Variants in TRIQK observed in about 807,000 individuals in gnomAD.
TRIQK encodes triple QxxK/R motif containing, also known as triple QxxK/R motif-containing protein.
TRIQK carries 10 observed loss-of-function variants against 10.8 expected under a neutral mutation model. The ratio of observed to expected loss-of-function variants is 0.92; its 90% CI spans 0.57 to 1.57. The LOEUF (loss-of-function observed/expected upper bound fraction) is 1.57, where lower values mean the gene tolerates loss of function less well. Ranked by LOEUF, TRIQK falls within the 40% of genes most tolerant of loss-of-function variation. TRIQK has a pLI of 0.00. For missense variants in TRIQK, 107 were observed against 97.7 expected (o/e 1.09, Z -0.40); for synonymous variants, 33 against 33.7 (o/e 0.98, Z 0.07).
upstream of TRIQK, among the ~76,000 whole-genome samples, chr8:92,970,498 C>G (rs1285714164): frequency 1.3e-5 from 2 of 152,164 alleles, no homozygotes; most frequent in African/African-American, 4.8e-5. Flanking sequence ...GCCATTCTGA[C>G]TGGTGTGAAA....
chr8:93,016,102 TAGCAA>T (rs1240127898), intron 1 of TRIQK, among the ~76,000 whole-genome samples: 1 of 152,180 alleles, frequency 6.6e-6, no homozygotes, highest in Non-Finnish European at 1.5e-5. Flanking sequence ...GAATGCTTCT[TAGCAA>T]AGATTTACTT....
intron 2 of TRIQK, among the ~76,000 whole-genome samples, chr8:92,932,187 C>T (rs1810761836): frequency 6.6e-6 from 1 of 151,996 alleles, no homozygotes; most frequent in South Asian, 2.1e-4. Context: ...TTTGTGTTCC[C>T]GTGTTCCCCA....
chr8:92,895,283 A>AT (rs1193311967), intron 3 of TRIQK, among the ~76,000 whole-genome samples: 1 of 152,148 alleles, frequency 6.6e-6, no homozygotes, highest in Non-Finnish European at 1.5e-5. Context: ...TTCTTTACAC[A>AT]TTTTCTAATC....
chr8:92,990,447 G>A (rs993847538), intron 1 of TRIQK, among the ~76,000 whole-genome samples: 13 of 152,046 alleles, frequency 8.6e-5, no homozygotes, highest in African/African-American at 3.1e-4. Flanking sequence ...AGAAGATCAC[G>A]TAGTTGTCGC....
chr8:92,916,994 G>C lies in TRIQK; in HGVS notation c.-5C>G. 6.7e-7 allele frequency: 1 copy of C among 1,499,438 alleles called. No homozygotes were observed. Among genetic ancestry groups the C allele is most frequent in the South Asian group, 1.3e-5 (1 of 76,210 alleles). 92.9% of individuals were successfully genotyped at this position (1,499,438 alleles called of 1,614,324 possible). A position where few individuals can be genotyped will look rare whatever the true frequency, so the allele number is the denominator to read the frequency against. On this transcript the variant is annotated 5_prime_UTR_variant, in exon 3 of 5. In the 5' UTR this introduces an upstream ATG that the reference lacks. Transcript: ENST00000521988. ...AGCAGCATCTTTTCTACCCATCTTT[G>C]ATCTCCAAAATGCCTGCTGAAAAGA...
chr8:92,907,616 C>T (rs932319248), intron 3 of TRIQK, among the ~76,000 whole-genome samples: 20 of 152,084 alleles, frequency 1.3e-4, no homozygotes, highest in African/African-American at 4.6e-4. Context: ...GATGGTAGCA[C>T]ACAAATTCAT....
intron 2 of TRIQK, among the ~76,000 whole-genome samples, chr8:92,945,468 G>A (rs1381905664): frequency 6.6e-6 from 1 of 152,214 alleles, no homozygotes; most frequent in Non-Finnish European, 1.5e-5. Context: ...ACCATAAGGT[G>A]AGCTTTGACC....
intron 2 of TRIQK, among the ~76,000 whole-genome samples, chr8:92,932,535 G>C (rs1295238652): frequency 6.6e-6 from 1 of 152,052 alleles, no homozygotes; most frequent in Non-Finnish European, 1.5e-5. Flanking sequence ...TAATTAATAA[G>C]TATTTGGTGT....
At chr8:92,976,482 A>G (rs1176232303) in intron 1 of TRIQK, among the ~76,000 whole-genome samples, 5 of 151,926 alleles carry the variant, frequency 3.3e-5, no homozygotes, top group African/African-American at 9.7e-5. Flanking sequence ...CAGTGTTAAC[A>G]TGGTTTTATT....
intron 1 of TRIQK, among the ~76,000 whole-genome samples, chr8:93,000,166 C>A (rs57358292): frequency 0.27 from 40,580 of 152,056 alleles, 6,289 homozygotes; most frequent in African/African-American, 0.43. Flanking sequence ...TATATTCAAA[C>A]ATATTTTCAA....
At chr8:92,892,694 T>C (rs987433118) in intron 3 of TRIQK, among the ~76,000 whole-genome samples, 1 of 152,004 alleles carries the variant, frequency 6.6e-6, no homozygotes, top group Non-Finnish European at 1.5e-5. Context: ...TACATTTAGA[T>C]ATTAGTTTCA....
chr8:92,969,324 T>A (rs181546009), upstream of TRIQK, among the ~76,000 whole-genome samples: 255 of 152,274 alleles, frequency 1.7e-3, no homozygotes, highest in African/African-American at 5.7e-3. Flanking sequence ...TTCCAAGTAT[T>A]TGAGAGTTGT....
At chr8:92,891,005 T>A (rs1253463098) in intron 4 of TRIQK, among the ~76,000 whole-genome samples, 1 of 151,766 alleles carries the variant, frequency 6.6e-6, no homozygotes. Flanking sequence ...TTTTTTTCAA[T>A]AAAAACTGAC....
chr8:92,924,401 G>GT (rs1248869677), intron 2 of TRIQK, among the ~76,000 whole-genome samples: 1 of 151,962 alleles, frequency 6.6e-6, no homozygotes, highest in African/African-American at 2.4e-5. Context: ...TCATGTTCCA[G>GT]TGCACTAGGA....
chr8:92,968,826 T>C (rs1234427033), upstream of TRIQK, among the ~76,000 whole-genome samples: 1 of 152,204 alleles, frequency 6.6e-6, no homozygotes, highest in African/African-American at 2.4e-5. Context: ...TTTGTCAATT[T>C]TGGCTTTTGT....
intron 1 of TRIQK, among the ~76,000 whole-genome samples, chr8:92,962,456 T>C (rs531747802): frequency 3.3e-4 from 50 of 152,350 alleles, no homozygotes; most frequent in African/African-American, 1.1e-3. Flanking sequence ...AAATTCTTTA[T>C]TGAGCTGATA....
rs1408549651 is a variant in TRIQK, at chr8:92,885,193, CT to C, written c.*1428del. 1.1e-5 allele frequency: 4 copies of C among 351,584 alleles called. No individual in the cohort carries two copies. The allele number at this position is 351,584 out of a possible 1,614,324, so 21.8% of individuals were successfully genotyped here. A position where few individuals can be genotyped will look rare whatever the true frequency, so the allele number is the denominator to read the frequency against. Reference sequence around the variant, plus strand: ...CACACCAATGAAATAAATTATGCTACTTGAAAAAAATTCTACAGAACATAAT... The same window carrying C: ...CACACCAATGAAATAAATTATGCTACTGAAAAAAATTCTACAGAACATAAT... On this transcript the variant is annotated 3_prime_UTR_variant, in exon 5 of 5. Transcript: ENST00000521988.
intron 1 of TRIQK, among the ~76,000 whole-genome samples, chr8:92,985,337 G>A (rs1813021490): frequency 6.6e-6 from 1 of 152,166 alleles, no homozygotes; most frequent in South Asian, 2.1e-4. Context: ...TTAGTCAGTG[G>A]CTATGGAAAC....
At chr8:92,932,696 G>A (rs547735365) in intron 2 of TRIQK, among the ~76,000 whole-genome samples, 163 of 151,894 alleles carry the variant, frequency 1.1e-3, no homozygotes, top group African/African-American at 3.2e-3. Flanking sequence ...ATATTTATTC[G>A]TTAGTATCCT....
Sources: gnomAD v4.1 joint callset for allele counts (sites outside exome capture counted in the v4.1 genomes callset) on GRCh38, gnomAD v4.1.1 for gene constraint, MANE v1.5 for transcripts, NCBI Gene and HGNC (gene_info 2026-07-23, HGNC 2026-07-21) for gene names.